Variants in ANO4 observed in about 807,000 individuals in gnomAD.
The protein encoded by ANO4 is anoctamin 4.
Under a neutral mutation model 141.9 loss-of-function variants are expected in ANO4, and 69 were observed. The observed-to-expected ratio is 0.49, with a 90% confidence interval of 0.40 to 0.59. The LOEUF is 0.59. Among genes scored for constraint, ANO4 ranks in the 20% least tolerant of loss-of-function variants. The pLI, the probability that ANO4 is intolerant of heterozygous loss-of-function variation, is 0.00. For missense variants in ANO4, 894 were observed against 1,162.2 expected, an observed-to-expected ratio of 0.77 and a Z score of 3.36; for synonymous variants, 350 against 394.3, an observed-to-expected ratio of 0.89 and a Z score of 1.33.
intron 1 of ANO4, among the ~76,000 whole-genome samples, chr12:100,798,316 C>T (rs1325413951): frequency 6.6e-6 from 1 of 152,080 alleles, no homozygotes; most frequent in Non-Finnish European, 1.5e-5. Context: ...TCTTTGAGCC[C>T]CTTTTACAGA....
intron 5 of ANO4, among the ~76,000 whole-genome samples, chr12:100,955,918 C>T (rs184930047): frequency 2.1e-4 from 32 of 152,236 alleles, no homozygotes; most frequent in African/African-American, 7.2e-4. Context: ...CCTCTGCTTC[C>T]CAGACAGAGT....
chr12:100,810,402 G>A (rs1025533958), intron 1 of ANO4, among the ~76,000 whole-genome samples: 1 of 152,138 alleles, frequency 6.6e-6, no homozygotes, highest in African/African-American at 2.4e-5. Flanking sequence ...GGTGGCTTAA[G>A]TATTTAGATT....
chr12:100,972,004 A>G (rs887399399), intron 6 of ANO4, among the ~76,000 whole-genome samples: 2 of 152,232 alleles, frequency 1.3e-5, no homozygotes, highest in Non-Finnish European at 1.5e-5. Context: ...TCATTTCACA[A>G]TGAATATTTT....
chr12:100,898,130 A>T (rs2040429094), intron 1 of ANO4, among the ~76,000 whole-genome samples: 1 of 152,180 alleles, frequency 6.6e-6, no homozygotes, highest in Non-Finnish European at 1.5e-5. Context: ...TCAGGCTCTT[A>T]TGGTTGTGAT....
intron 1 of ANO4, among the ~76,000 whole-genome samples, chr12:100,878,831 CT>C (rs1285634167): frequency 6.6e-6 from 1 of 152,184 alleles, no homozygotes; most frequent in African/African-American, 2.4e-5. Context: ...AAATTAACCA[CT>C]GGTGAATCTT....
intron 14 of ANO4, among the ~76,000 whole-genome samples, chr12:101,065,470 A>T (rs1352238575): frequency 6.6e-6 from 1 of 152,172 alleles, no homozygotes; most frequent in Non-Finnish European, 1.5e-5. Context: ...TTATTAGAGG[A>T]TACTATGAGC....
At chr12:101,066,991 G>C in intron 14 of ANO4, 5 of 199,416 alleles carry the variant, frequency 2.5e-5, no homozygotes, top group East Asian at 9.8e-5. Context: ...AGAACTTAAA[G>C]TATAACAAAA....
At chr12:100,868,362 A>T (rs904884705) in intron 1 of ANO4, among the ~76,000 whole-genome samples, 1 of 152,050 alleles carries the variant, frequency 6.6e-6, no homozygotes, top group Non-Finnish European at 1.5e-5. Flanking sequence ...ACGAGAGTAG[A>T]ATTTTGTCTC....
At chr12:101,044,065 A>G (rs1011209579) in intron 13 of ANO4, among the ~76,000 whole-genome samples, 1 of 152,172 alleles carries the variant, frequency 6.6e-6, no homozygotes, top group African/African-American at 2.4e-5. Flanking sequence ...ACCTCAGTAA[A>G]TGACAGCTAT....
intron 1 of ANO4, among the ~76,000 whole-genome samples, chr12:100,824,404 G>A (rs182482247): frequency 1.3e-5 from 2 of 151,952 alleles, no homozygotes; most frequent in Admixed American, 6.6e-5. Flanking sequence ...GCAATAAAAA[G>A]ACAGCATTGC....
At chr12:100,981,291 T>G (rs1168433155) in intron 7 of ANO4, among the ~76,000 whole-genome samples, 2 of 152,218 alleles carry the variant, frequency 1.3e-5, no homozygotes, top group African/African-American at 2.4e-5. Context: ...GATCTCTAAA[T>G]TCTATCCAGG....
At chr12:100,971,187 G>C (rs2136272935) in intron 5 of ANO4, 119 bp from the exon 6 acceptor site, 1 of 602,792 alleles carries the variant, frequency 1.7e-6, no homozygotes, top group Non-Finnish European at 2.9e-6. Context: ...TGGCCTATTG[G>C]TGAGGAATGC....
intron 14 of ANO4, among the ~76,000 whole-genome samples, chr12:101,054,575 T>C (rs758607761): frequency 1.2e-4 from 19 of 152,286 alleles, no homozygotes; most frequent in East Asian, 1.9e-4. Context: ...TCTCGGCTCA[T>C]TGCAAGCTCC....
At chr12:100,872,929 G>A (rs368324301) in intron 1 of ANO4, among the ~76,000 whole-genome samples, 5 of 152,108 alleles carry the variant, frequency 3.3e-5, no homozygotes, top group African/African-American at 4.8e-5. Flanking sequence ...TCATGGGGGC[G>A]GATTTCCTCC....
intron 1 of ANO4, among the ~76,000 whole-genome samples, chr12:100,813,786 A>G (rs894947590): frequency 2.0e-5 from 3 of 152,154 alleles, no homozygotes; most frequent in Admixed American, 6.6e-5. Context: ...TTAAAACCTC[A>G]ATGTTTATGT....
chr12:100,968,241 C>T (rs2043764928), intron 5 of ANO4, among the ~76,000 whole-genome samples: 1 of 148,216 alleles, frequency 6.7e-6, no homozygotes, highest in African/African-American at 2.5e-5. Context: ...AGATAATGAA[C>T]TTAGCTTTTC....
intron 8 of ANO4, among the ~76,000 whole-genome samples, chr12:101,007,169 G>A (rs137948689): frequency 1.1e-4 from 17 of 152,144 alleles, no homozygotes; most frequent in African/African-American, 3.9e-4. Context: ...CCTGGCCAAC[G>A]TGGCGAAACC....
intron 9 of ANO4, among the ~76,000 whole-genome samples, chr12:101,030,058 T>C (rs1485871651): frequency 6.6e-6 from 1 of 152,072 alleles, no homozygotes; most frequent in Non-Finnish European, 1.5e-5. Flanking sequence ...ACCATCAATA[T>C]TAGACAGATC....
At chr12:101,066,919 G>A in intron 14 of ANO4, 1 of 740,190 alleles carries the variant, frequency 1.4e-6, no homozygotes, top group Non-Finnish European at 2.4e-6. Context: ...AGAATCCAGA[G>A]TTTTCTGTTA....
Sources: allele counts gnomAD v4.1 joint callset (sites outside exome capture counted in the v4.1 genomes callset), GRCh38; gene constraint gnomAD v4.1.1; transcripts MANE v1.5; gene names NCBI Gene and HGNC (gene_info 2026-07-23, HGNC 2026-07-21).